The following NSF variants were observed in gnomAD, a reference collection of about 807,000 sequenced individuals.
The protein encoded by NSF is vesicle-fusing ATPase.
In NSF, 14 loss-of-function variants were observed where a neutral mutation model predicts 50.3. The ratio of observed to expected loss-of-function variants is 0.28; its 90% CI spans 0.18 to 0.44. NSF has a LOEUF of 0.44. NSF is among the 20% of genes least tolerant of loss of function. The pLI, the probability that NSF is intolerant of heterozygous loss-of-function variation, is 1.00. For missense variants in NSF, 218 were observed against 504.3 expected (o/e 0.43, Z 5.44); for synonymous variants, 109 against 175.7 (o/e 0.62, Z 3.00).
Position 46,755,998 on chromosome 17 carries a change from T to G in NSF, c.*175T>G. 1.7e-6 allele frequency: 1 copy of G among 597,062 alleles called. No individual in the cohort carries two copies. The highest frequency in any genetic ancestry group is 2.9e-6 in the Non-Finnish European group (1 of 346,394). The allele number at this position is 597,062 out of a possible 1,614,324, so 37.0% of individuals were successfully genotyped here. On this transcript the variant is annotated 3_prime_UTR_variant, in exon 21 of 21. Transcript: ENST00000398238. ...ACTCCCTTCCTTATGCATACTGAGA[T>G]AGCTTAGTGTCTCGTGGAAGGTGTC...
At chr17:46,661,990 C>T (rs1367929520) in intron 8 of NSF, among the ~76,000 whole-genome samples, 2 of 87,464 alleles carry the variant, frequency 2.3e-5, no homozygotes, top group Non-Finnish European at 5.0e-5. Flanking sequence ...GGATTACAGG[C>T]ATGAGCCACC....
rs193221258 is a variant in NSF at position 46,748,169 on chromosome 17, G to A, written c.1909-1604G>A. Among the ~76,000 whole-genome samples the A allele has an allele frequency of 5.8e-3, 876 of 152,164 alleles. 3 individuals are homozygous for A. Among genetic ancestry groups the A allele is most frequent in the Middle Eastern group, 0.017 (5 of 294 alleles). On this transcript the variant is annotated intron_variant, in intron 17 of 20. Coordinates refer to ENST00000398238, the MANE Select transcript of NSF (RefSeq NM_006178.4). ...GTTGCCCAGGCTGGAGTGCAATGGC[G>A]TGATCTTGGCTCGGCTCACTGCAAC...
chr17:46,699,527 A>G (rs1433554815), intron 12 of NSF, among the ~76,000 whole-genome samples: 1 of 148,218 alleles, frequency 6.7e-6, no homozygotes, highest in African/African-American at 2.5e-5. Context: ...TTTTTGATTG[A>G]TTAAGGTCAT....
intron 8 of NSF, among the ~76,000 whole-genome samples, chr17:46,646,502 CAAAAAAAAAAAAAAAAAAAA>C (rs1158578265): frequency 2.0e-3 from 1 of 494 alleles, no homozygotes; most frequent in Non-Finnish European, 0.016. Context: ...GACTCCATCT[CAAAAAAAAAAAAAAAAAAAA>C]AAAAAAAAAA....
rs1427257300 is a variant in NSF at position 46,719,525 on chromosome 17, A to G, written c.1761+5539A>G. On this transcript the variant is annotated intron_variant, in intron 15 of 20. Coordinates refer to ENST00000398238, the MANE Select transcript of NSF (RefSeq NM_006178.4). The surrounding 1 kb of genome is among the most constrained non-coding windows in gnomAD (Gnocchi z 4.3). ...TCCTTTCTCCATGGATAAACTCCTCAAAACTGCTGAAGTATGTATGAGGTA... is the reference window on the plus strand; with the variant it reads ...TCCTTTCTCCATGGATAAACTCCTCGAAACTGCTGAAGTATGTATGAGGTA... Among the ~76,000 whole-genome samples, 1 of 152,204 alleles carries G rather than the reference A, an allele frequency of 6.6e-6. No individual in the cohort carries two copies. The highest frequency in any genetic ancestry group is 2.4e-5 in the African/African-American group (1 of 41,460).
chr17:46,744,621 G>GAA (rs111404933), intron 17 of NSF, among the ~76,000 whole-genome samples: 3 of 147,564 alleles, frequency 2.0e-5, no homozygotes, highest in Non-Finnish European at 3.0e-5. Context: ...TTTATTTAGG[G>GAA]AAAAAAAAAA....
chr17:46,748,562 CAG>C (rs1466376760), intron 17 of NSF, among the ~76,000 whole-genome samples: 1 of 152,104 alleles, frequency 6.6e-6, no homozygotes, highest in African/African-American at 2.4e-5. Flanking sequence ...GCAGCATAGA[CAG>C]GGGAATAGAT....
At chr17:46,706,897 T>TTGGAG (rs2058661948) in intron 13 of NSF, among the ~76,000 whole-genome samples, 2 of 145,106 alleles carry the variant, frequency 1.4e-5, no homozygotes, top group African/African-American at 5.2e-5. Context: ...GTCGCCCAGG[T>TTGGAG]TGGAGTGCAG....
chr17:46,725,487 A>G (rs776814963), intron 15 of NSF, among the ~76,000 whole-genome samples: 2 of 152,206 alleles, frequency 1.3e-5, no homozygotes, highest in Non-Finnish European at 2.9e-5. Context: ...GTAAGGAAGG[A>G]ACTGAATCAA....
intron 17 of NSF, among the ~76,000 whole-genome samples, chr17:46,736,340 C>A (rs992038687): frequency 2.0e-5 from 3 of 152,184 alleles, no homozygotes; most frequent in Non-Finnish European, 2.9e-5. Flanking sequence ...TTGCTTGTGG[C>A]TGAAGTTCCC....
chr17:46,703,765 A>G (rs2058632103), intron 12 of NSF, among the ~76,000 whole-genome samples: 1 of 148,958 alleles, frequency 6.7e-6, no homozygotes, highest in South Asian at 2.1e-4. Flanking sequence ...ATTCAGTGGC[A>G]TTAAATACAT....
At chr17:46,722,315 T>C in intron 15 of NSF, 1 of 714,902 alleles carries the variant, frequency 1.4e-6, no homozygotes, top group East Asian at 2.7e-5. Flanking sequence ...GCCTCAGTCC[T>C]CCTGGCATCT....
chr17:46,751,984 T>C (rs1318856208), intron 19 of NSF, among the ~76,000 whole-genome samples: 1 of 152,152 alleles, frequency 6.6e-6, no homozygotes, highest in Non-Finnish European at 1.5e-5. Flanking sequence ...ATCACCAGGT[T>C]ATTGATGGAG....
chr17:46,721,883 A>G lies in NSF; in HGVS notation c.1762-4666A>G, dbSNP rs1293589547. ...CTTAGGCAGAATTCTCCTCTGAGCG[A>G]TAAAGACGACATGCTTCCCACTGAA... On this transcript the variant is annotated intron_variant, in intron 15 of 20. Coordinates refer to ENST00000398238, the MANE Select transcript of NSF (RefSeq NM_006178.4). The G allele has an allele frequency of 6.9e-6, 11 of 1,589,066 alleles. No homozygotes were observed. The East Asian group carries it at 1.1e-4, about 16-fold the overall frequency.
rs138543438 is a variant in NSF at position 46,749,715 on chromosome 17, G to A, written c.1909-58G>A. The A allele has an allele frequency of 7.7e-5, 113 of 1,470,512 alleles. No homozygotes were observed. The African/African-American group carries it at 1.4e-3, about 18-fold the overall frequency. 91.1% of individuals were successfully genotyped at this position (1,470,512 alleles called of 1,614,324 possible). A position where few individuals can be genotyped will look rare whatever the true frequency, so the allele number is the denominator to read the frequency against. ...TTTGCAAATTGTGTTCAAGCTTACT[G>A]TAGTTTCCTAATTAGTCTTATTATG... On this transcript the variant is annotated intron_variant, in intron 17 of 20. Transcript: ENST00000398238.
Position 46,719,430 on chromosome 17 carries a change from C to T in NSF, c.1761+5444C>T, listed in dbSNP as rs1023276965. Reference sequence around the variant, plus strand: ...TTCACAAATGGATGGTGCTAAAATACGTGAAAGTAGTTTATTCTCAATTAA... The same window carrying T: ...TTCACAAATGGATGGTGCTAAAATATGTGAAAGTAGTTTATTCTCAATTAA... On this transcript the variant is annotated intron_variant, in intron 15 of 20. Transcript: ENST00000398238. This position sits in a 1 kb window ranked among gnomAD's most constrained non-coding sequence, Gnocchi z 4.3. Among the ~76,000 whole-genome samples the T allele has an allele frequency of 3.9e-5, 6 of 152,086 alleles. No homozygotes were observed. Among genetic ancestry groups the T allele is most frequent in the Non-Finnish European group, 1.5e-5 (1 of 68,004 alleles).
chr17:46,712,700 T>C (rs914754471), intron 14 of NSF, among the ~76,000 whole-genome samples: 1 of 152,058 alleles, frequency 6.6e-6, no homozygotes, highest in Non-Finnish European at 1.5e-5. Flanking sequence ...TCACTTACAG[T>C]GAGGGTGTGG....
intron 15 of NSF, among the ~76,000 whole-genome samples, chr17:46,717,134 A>G (rs1432504458): frequency 1.3e-5 from 2 of 152,208 alleles, no homozygotes; most frequent in Non-Finnish European, 2.9e-5. Flanking sequence ...TGTGACACAT[A>G]TACACTGTGG....
Position 46,755,968 on chromosome 17 carries a change from AT to A in NSF, c.*146del, listed in dbSNP as rs2059229913. ...GTGCTCGCTCTGCATGATTAGTGCA[AT>A]AAAACTCCCTTCCTTATGCATACTG... On this transcript the variant is annotated 3_prime_UTR_variant, in exon 21 of 21. Coordinates refer to ENST00000398238, the MANE Select transcript of NSF (RefSeq NM_006178.4). 1 of 732,730 alleles carries A rather than the reference AT, an allele frequency of 1.4e-6. No individual in the cohort carries two copies. Among genetic ancestry groups the A allele is most frequent in the Non-Finnish European group, 2.2e-6 (1 of 452,558 alleles). 45.4% of individuals were successfully genotyped at this position (732,730 alleles called of 1,614,324 possible).
Sources: allele counts gnomAD v4.1 joint callset (sites outside exome capture counted in the v4.1 genomes callset), GRCh38; gene constraint gnomAD v4.1.1; non-coding constraint Gnocchi (gnomAD v3.1); transcripts MANE v1.5; gene names NCBI Gene and HGNC (gene_info 2026-07-23, HGNC 2026-07-21).